Variants in ZMYM6 observed in about 807,000 individuals in gnomAD.
ZMYM6 encodes zinc finger MYM-type containing 6.
In ZMYM6, 90 loss-of-function variants were observed where a neutral mutation model predicts 134.0. The ratio of observed to expected loss-of-function variants is 0.67; its 90% CI spans 0.57 to 0.80. The LOEUF (loss-of-function observed/expected upper bound fraction) is 0.80, where lower values mean the gene tolerates loss of function less well. ZMYM6 is among the 30% of genes least tolerant of loss of function. The pLI, the probability that ZMYM6 is intolerant of heterozygous loss-of-function variation, is 0.00. For missense variants in ZMYM6, 1,362 were observed against 1,533.9 expected, an observed-to-expected ratio of 0.89 and a Z score of 1.87; for synonymous variants, 481 against 524.1, an observed-to-expected ratio of 0.92 and a Z score of 1.12.
intron 10 of ZMYM6, among the ~76,000 whole-genome samples, 182 bp downstream of exon 10, chr1:35,010,265 C>G (rs890975144): frequency 2.6e-5 from 4 of 152,210 alleles, no homozygotes; most frequent in Non-Finnish European, 5.9e-5. Context: ...AAGTGATCCA[C>G]CCACCTCAGC....
chr1:34,992,022 T>C lies in ZMYM6; in HGVS notation c.2146+212A>G, dbSNP rs902272321. 5.4e-5 allele frequency: 34 copies of C among 633,694 alleles called. 1 individual carries two copies. Among genetic ancestry groups the C allele is most frequent in the Non-Finnish European group, 8.1e-5 (30 of 369,640 alleles). 39.3% of individuals were successfully genotyped at this position (633,694 alleles called of 1,614,324 possible). On this transcript the variant is annotated intron_variant, in intron 15 of 15. Coordinates refer to ENST00000357182, the MANE Select transcript of ZMYM6 (RefSeq NM_007167.4). Reference sequence around the variant, plus strand: ...ACTAATGCTTTTAACTAAAACTGTATGTTAGTAATTATAATAGCTTGTTAT... The same window carrying C: ...ACTAATGCTTTTAACTAAAACTGTACGTTAGTAATTATAATAGCTTGTTAT...
At chr1:35,022,867 A>G (rs1641335793) in intron 2 of ZMYM6, among the ~76,000 whole-genome samples, 1 of 152,194 alleles carries the variant, frequency 6.6e-6, no homozygotes, top group Admixed American at 6.5e-5. Flanking sequence ...AACACAGTCA[A>G]CATAACAGTA....
chr1:35,000,537 C>A (rs1028828868), intron 14 of ZMYM6, among the ~76,000 whole-genome samples: 1 of 152,114 alleles, frequency 6.6e-6, no homozygotes, highest in African/African-American at 2.4e-5. Context: ...CCGCGCCTAA[C>A]TGCAAAGATT....
At position 35,005,233 on chromosome 1, in the gene ZMYM6, G is replaced by C. The variant is rs201679304; in HGVS notation, c.1853C>G (p.Pro618Arg). 1.1e-5 allele frequency: 17 copies of C among 1,613,980 alleles called. 1 individual carries two copies. Among genetic ancestry groups the C allele is most frequent in the African/African-American group, 2.7e-5 (2 of 74,896 alleles). ...SKAKTAVTEL[P>R]SARTDTTPVI... The stretch of plus-strand genomic sequence containing the variant: ...TGGTGTTGTATCTGTCCTTGCAGAA[G>C]GGAGCTCCGTCACAGCAGTTTTTGC... The change falls in exon 13 of 16, where the codon CCT becomes CGT. Residue 618 changes from proline to arginine, a missense_variant. Physicochemically the swap from Pro to Arg is moderately radical, Grantham distance 103 (BLOSUM62 -2). This residue lies in a region of ZMYM6 where 824 missense variants were observed against 940.9 expected (regional missense o/e 0.88). Coordinates refer to ENST00000357182, the MANE Select transcript of ZMYM6 (RefSeq NM_007167.4).
In ZMYM6 at chr1:35,011,938, A is replaced by G. The variant is rs1174278810; in HGVS notation, c.1014T>C (p.Asn338=). 5 of 1,611,598 alleles carry G rather than the reference A, an allele frequency of 3.1e-6. No homozygotes were observed. Among genetic ancestry groups the G allele is most frequent in the South Asian group, 2.2e-5 (2 of 90,626 alleles). The change falls in exon 8 of 16, where the codon AAT becomes AAC. Residue 338 remains asparagine (N), a synonymous_variant. Transcript: ENST00000357182. The part of the protein sequence containing the change: ...AIPQYHLAMS[N]GTIYSFCSSS... Reference sequence around the variant, plus strand: ...AGCTGCAGAAGCTGTATATAGTTCCATTTGACATGGCTAGGTGATACTGAG... The same window carrying G: ...AGCTGCAGAAGCTGTATATAGTTCCGTTTGACATGGCTAGGTGATACTGAG...
chr1:35,015,011 T>C lies in ZMYM6; in HGVS notation c.580A>G (p.Ser194Gly). 1 of 1,612,992 alleles carries C rather than the reference T, an allele frequency of 6.2e-7. No individual in the cohort carries two copies. The highest frequency in any genetic ancestry group is 8.5e-7 in the Non-Finnish European group (1 of 1,179,786). ...IYTKSISTKC[S>G]MCQKNADTRF... ...ACATCAGCATTCTTCTGACACATAC[T>C]GCACTTAGTTGAAATGCTTTTGGTA... Residue 194 changes from serine to glycine, a missense_variant, in exon 5 of 16, where the codon AGT (serine) becomes GGT (glycine). Around this residue, in one of 3 missense-constraint regions of ZMYM6, gnomAD observed 503 missense variants for 520.8 expected, o/e 0.97. Transcript: ENST00000357182.
chr1:34,989,334 T>TA (rs1434809791), intron 15 of ZMYM6: 2 of 773,172 alleles, frequency 2.6e-6, no homozygotes, highest in Non-Finnish European at 3.1e-6. Flanking sequence ...GCCCTGGAGT[T>TA]AGAGACCAGC....
chr1:35,012,981 T>G, intron 6 of ZMYM6: 1 of 983,258 alleles, frequency 1.0e-6, no homozygotes, highest in Non-Finnish European at 1.2e-6. Flanking sequence ...TTTGTGAGAT[T>G]CTTTAGCAGG....
At position 35,005,252 on chromosome 1, in the gene ZMYM6, T is replaced by A; in HGVS notation, c.1834A>T (p.Thr612Ser). 6.2e-7 allele frequency: 1 copy of A among 1,614,020 alleles called. No homozygotes were observed. The highest frequency in any genetic ancestry group is 1.1e-5 in the South Asian group (1 of 91,054). ...QNKVNISKAK[T>S]AVTELPSART... ...GCAGAAGGGAGCTCCGTCACAGCAG[T>A]TTTTGCTTTAGAAATATTTACTGAT... The change falls in exon 13 of 16, where the codon ACT (threonine) becomes TCT (serine). Residue 612 changes from threonine to serine, a missense_variant. This residue lies in a region of ZMYM6 where 824 missense variants were observed against 940.9 expected (regional missense o/e 0.88). Transcript: ENST00000357182.
intron 14 of ZMYM6, among the ~76,000 whole-genome samples, chr1:35,000,913 A>G (rs1179185728): frequency 6.6e-6 from 1 of 152,168 alleles, no homozygotes; most frequent in Non-Finnish European, 1.5e-5. Flanking sequence ...AATATCATAG[A>G]GCAGGGGTTG....
chr1:35,009,878 A>G (rs1270552249), intron 10 of ZMYM6, among the ~76,000 whole-genome samples: 1 of 152,158 alleles, frequency 6.6e-6, no homozygotes, highest in Non-Finnish European at 1.5e-5. Context: ...AGAGACTGCA[A>G]TAAGCCAAGA....
chr1:35,028,091 A>G (rs1641446411), intron 2 of ZMYM6, among the ~76,000 whole-genome samples: 1 of 152,062 alleles, frequency 6.6e-6, no homozygotes, highest in African/African-American at 2.4e-5. Flanking sequence ...AGGTGGGCAG[A>G]GCACTTGAGG....
chr1:35,007,904 A>G lies in ZMYM6; in HGVS notation c.1666-806T>C, dbSNP rs146869427. Among the ~76,000 whole-genome samples the G allele has an allele frequency of 2.3e-3, 346 of 152,318 alleles. 1 individual carries two copies. Among genetic ancestry groups the G allele is most frequent in the East Asian group, 0.02 (103 of 5,188 alleles). On this transcript the variant is annotated intron_variant, in intron 11 of 15. Coordinates refer to ENST00000357182, the MANE Select transcript of ZMYM6 (RefSeq NM_007167.4). ...GTAAAAAAAAAATAAAGATAGGTTCAACTTCTAAAAAATTAAGCAGCAGCT... is the reference window on the plus strand; with the variant it reads ...GTAAAAAAAAAATAAAGATAGGTTCGACTTCTAAAAAATTAAGCAGCAGCT...
intron 14 of ZMYM6, among the ~76,000 whole-genome samples, chr1:35,001,751 A>G (rs1483775386): frequency 6.6e-6 from 1 of 152,226 alleles, no homozygotes. Flanking sequence ...CTAATGTGGT[A>G]TACTGCTTGA....
intron 6 of ZMYM6, among the ~76,000 whole-genome samples, chr1:35,014,207 T>A (rs1316073745): frequency 6.6e-6 from 1 of 152,238 alleles, no homozygotes; most frequent in Non-Finnish European, 1.5e-5. Context: ...TTAGATTCAC[T>A]GATTTTATCA....
chr1:35,021,072 T>A (rs946815045), intron 2 of ZMYM6, among the ~76,000 whole-genome samples: 1 of 151,904 alleles, frequency 6.6e-6, no homozygotes. Flanking sequence ...GCACTACCTA[T>A]TTTTTAGGTA....
At position 34,988,559 on chromosome 1, in the gene ZMYM6, T is replaced by A; in HGVS notation, c.2523A>T (p.Ala841=). The part of the protein sequence containing the change: ...ASYLIAFQTA[A]SKKPFSIAEE... ...CAGCAATGGAGAATGGCTTCTTGCT[T>A]GCAGCAGTTTGGAAAGCAATTAAAT... The change falls in exon 16 of 16, where the codon GCA becomes GCT. Residue 841 remains alanine, a synonymous_variant. Coordinates refer to ENST00000357182, the MANE Select transcript of ZMYM6 (RefSeq NM_007167.4). 1 of 1,551,278 alleles carries A rather than the reference T, an allele frequency of 6.4e-7. No individual in the cohort carries two copies. Among genetic ancestry groups the A allele is most frequent in the Non-Finnish European group, 8.7e-7 (1 of 1,146,918 alleles).
At position 35,022,262 on chromosome 1, in the gene ZMYM6, T is replaced by C. The variant is rs914299417; in HGVS notation, c.94-1795A>G. On this transcript the variant is annotated intron_variant, in intron 2 of 15. Coordinates refer to ENST00000357182, the MANE Select transcript of ZMYM6 (RefSeq NM_007167.4). The stretch of plus-strand genomic sequence containing the variant: ...GCACAGATGGGAATCAAACCCAGTC[T>C]CTCTGTTTTGTTTTTTTTTTCTTTT... Among the ~76,000 whole-genome samples, 4 of 152,042 alleles carry C rather than the reference T, an allele frequency of 2.6e-5. No homozygotes were observed. In the East Asian group the frequency reaches 7.7e-4, roughly 29 times the overall value.
intron 13 of ZMYM6, among the ~76,000 whole-genome samples, chr1:35,004,272 C>T (rs1640926957): frequency 6.6e-6 from 1 of 152,150 alleles, no homozygotes; most frequent in Admixed American, 6.5e-5. Context: ...AAAAAAATAT[C>T]ACTTCCCAGG....
Sources: allele counts gnomAD v4.1 joint callset (sites outside exome capture counted in the v4.1 genomes callset), GRCh38; gene constraint gnomAD v4.1.1; regional missense constraint gnomAD v4.1.1; transcripts MANE v1.5; gene names NCBI Gene and HGNC (gene_info 2026-07-23, HGNC 2026-07-21).